Variants in SON observed in about 807,000 individuals in gnomAD.
The protein encoded by SON is SON DNA and RNA binding protein.
A neutral mutation model predicts 173.3 loss-of-function variants in SON; 4 were observed. That is an observed-to-expected ratio of 0.02 (90% CI 0.01 to 0.05). The LOEUF is 0.05. Ranked by LOEUF, SON falls within the 10% of genes least tolerant of loss-of-function variation. The pLI is 1.00. For synonymous variants in SON, 1,190 were observed against 1,105.9 expected, an observed-to-expected ratio of 1.08 and a Z score of -1.51; for missense variants, 2,626 against 3,055.3, an observed-to-expected ratio of 0.86 and a Z score of 3.31.
At chr21:33,575,253 C>G (rs763539294) in intron 9 of SON, among the ~76,000 whole-genome samples, 1 of 152,044 alleles carries the variant, frequency 6.6e-6, no homozygotes, top group Non-Finnish European at 1.5e-5. Flanking sequence ...CCAGGCTGGT[C>G]TCAGACTCTT....
rs2086422142 is a variant in SON at position 33,577,257 on chromosome 21, A to G, written c.*833A>G. On this transcript the variant is annotated 3_prime_UTR_variant, in exon 12 of 12. Transcript: ENST00000356577. ...TTGATGTGCATTTTGAATTTCAGCT[A>G]CACCTAGATAGACGTAAAATGATAA... 6.6e-6 allele frequency: 1 copy of G among 152,526 alleles called. No homozygotes were observed. Among genetic ancestry groups the G allele is most frequent in the Non-Finnish European group, 1.5e-5 (1 of 68,048 alleles). The allele number at this position is 152,526 out of a possible 1,614,324, so 9.4% of individuals were successfully genotyped here.
At chr21:33,565,407 A>C (rs1464129493) in intron 6 of SON, among the ~76,000 whole-genome samples, 1 of 152,216 alleles carries the variant, frequency 6.6e-6, no homozygotes, top group Non-Finnish European at 1.5e-5. Flanking sequence ...AGTAAGTGTG[A>C]GAAGGTTAAT....
At position 33,555,319 on chromosome 21, in the gene SON, A is replaced by G; in HGVS notation, c.6088A>G (p.Arg2030Gly). ...AACACCCTTAAGAAGAAGGTTTAGCAGATCTCCCATCCGTCGTAAAAGATC... is the reference window on the plus strand; with the variant it reads ...AACACCCTTAAGAAGAAGGTTTAGCGGATCTCCCATCCGTCGTAAAAGATC... ...SRTPLRRRFS[R>G]SPIRRKRSRS... The change falls in exon 3 of 12, where the codon AGA (arginine) becomes GGA (glycine). Residue 2030 changes from arginine (R) to glycine (G), a missense_variant. Physicochemically the swap from Arg to Gly is moderately radical, Grantham distance 125 (BLOSUM62 -2). Around this residue, in one of 13 missense-constraint regions of SON, gnomAD observed 138 missense variants for 222.9 expected, o/e 0.62. Transcript: ENST00000356577. The G allele has an allele frequency of 1.2e-6, 2 of 1,607,320 alleles. No individual in the cohort carries two copies. Among genetic ancestry groups the G allele is most frequent in the Non-Finnish European group, 1.7e-6 (2 of 1,177,002 alleles).
intron 11 of SON, 39 bp downstream of exon 11, chr21:33,575,932 A>G (rs780667443): frequency 9.9e-7 from 1 of 1,009,654 alleles, no homozygotes; most frequent in South Asian, 1.5e-5. Flanking sequence ...TATATTTATT[A>G]ATGTGATGAC....
intron 8 of SON, among the ~76,000 whole-genome samples, chr21:33,571,340 G>A (rs903787205): frequency 6.6e-6 from 1 of 152,154 alleles, no homozygotes; most frequent in Non-Finnish European, 1.5e-5. Flanking sequence ...CTCATTAAAT[G>A]TTTAGTTGTG....
At position 33,550,154 on chromosome 21, in the gene SON, TATC is replaced by T. The variant is rs771306589; in HGVS notation, c.928_930del (p.Ser310del). The T allele has an allele frequency of 1.9e-6, 3 of 1,614,074 alleles. No individual in the cohort carries two copies. The highest frequency in any genetic ancestry group is 2.5e-6 in the Non-Finnish European group (3 of 1,180,042). ...TTAGAGCCTTCAGAAACCCTTGTGG[TATC>T]ATCAGAGACACCTACTGAGGTGTAC... On this transcript the variant is annotated inframe_deletion, in exon 3 of 12. Transcript: ENST00000356577.
In SON at chr21:33,549,856, A is replaced by G. The variant is rs758247743; in HGVS notation, c.625A>G (p.Thr209Ala). Residue 209 changes from threonine (T) to alanine (A), a missense_variant, in exon 3 of 12, where the codon ACA becomes GCA. By Grantham distance (58) the Thr-to-Ala change is moderately conservative. Transcript: ENST00000356577. The stretch of plus-strand genomic sequence containing the variant: ...CATCTTAGAAACTCTGAAGCCAGCT[A>G]CAAAAACTGCAGAACTGTCAGTTGT... The part of the protein sequence containing the change: ...PHILETLKPA[T>A]KTAELSVVST... The G allele has an allele frequency of 8.7e-6, 14 of 1,614,142 alleles. 1 individual carries two copies. In the Admixed American group the frequency reaches 2.3e-4, roughly 27 times the overall value.
Position 33,553,669 on chromosome 21 carries a change from T to A in SON, c.4438T>A (p.Ser1480Thr), listed in dbSNP as rs1345707217. 6.2e-7 allele frequency: 1 copy of A among 1,614,002 alleles called. No individual in the cohort carries two copies. Among genetic ancestry groups the A allele is most frequent in the East Asian group, 2.2e-5 (1 of 44,886 alleles). Residue 1480 changes from serine to threonine, a missense_variant, in exon 3 of 12, where the codon TCA becomes ACA. Transcript: ENST00000356577. Reference sequence around the variant, plus strand: ...AATGATACTGGAATCTAGTATCATGTCATCACATGTTATGAAAGGAATTAA... The same window carrying A: ...AATGATACTGGAATCTAGTATCATGACATCACATGTTATGAAAGGAATTAA... ...TPMILESSIM[S>T]SHVMKGINLS...
At chr21:33,549,002 G>C (rs926114119) in intron 2 of SON, among the ~76,000 whole-genome samples, 4 of 151,962 alleles carry the variant, frequency 2.6e-5, no homozygotes, top group African/African-American at 9.7e-5. Flanking sequence ...CAGAAAAGTA[G>C]TAGTCTCCAG....
At chr21:33,546,578 C>T (rs1022146112) in intron 2 of SON, 199 bp downstream of exon 2, 62 of 371,434 alleles carry the variant, frequency 1.7e-4, no homozygotes, top group African/African-American at 1.2e-3. Context: ...TCAGGAGTTC[C>T]AGACCAACCT....
In SON at chr21:33,552,099, C is replaced by T. The variant is rs1251772128; in HGVS notation, c.2868C>T (p.Tyr956=). 3 of 1,614,060 alleles carry T rather than the reference C, an allele frequency of 1.9e-6. No individual in the cohort carries two copies. The highest frequency in any genetic ancestry group is 2.2e-5 in the South Asian group (2 of 91,078). ...QDPYRLGHDP[Y]RLTPDPYRMS... ...CTTATAGATTAGGCCATGATCCCTA[C>T]AGACTAACTCCTGATCCCTATAGGA... The change falls in exon 3 of 12, where the codon TAC becomes TAT. Residue 956 remains tyrosine, a synonymous_variant. Transcript: ENST00000356577. This position sits in a 1 kb window ranked among gnomAD's most constrained non-coding sequence, Gnocchi z 5.6.
chr21:33,571,146 T>C lies in SON; in HGVS notation c.6885+2059T>C, dbSNP rs544909974. Among the ~76,000 whole-genome samples the C allele has an allele frequency of 2.7e-4, 41 of 152,330 alleles. No individual in the cohort carries two copies. In the South Asian group the frequency reaches 7.5e-3, roughly 28 times the overall value. ...TATGTTCAGACCAAATTTTAAATTA[T>C]AGATAAAAGTAGCACTTAAAGGAAA... On this transcript the variant is annotated intron_variant, in intron 8 of 11. Coordinates refer to ENST00000356577, the MANE Select transcript of SON (RefSeq NM_138927.4).
At chr21:33,564,116 A>C (rs1404414158) in intron 6 of SON, among the ~76,000 whole-genome samples, 1 of 152,224 alleles carries the variant, frequency 6.6e-6, no homozygotes, top group Non-Finnish European at 1.5e-5. Flanking sequence ...TACAGATTAA[A>C]GATTCTCTTT....
chr21:33,546,436 T>G (rs889394329), intron 2 of SON, 57 bp downstream of exon 2: 1 of 1,419,216 alleles, frequency 7.0e-7, no homozygotes, highest in South Asian at 1.3e-5. Flanking sequence ...TTTTTGAAAT[T>G]TGAAGGTTAA....
At chr21:33,547,645 T>C in intron 2 of SON, among the ~76,000 whole-genome samples, 1 of 147,548 alleles carries the variant, frequency 6.8e-6, no homozygotes, top group Non-Finnish European at 1.5e-5. Context: ...AAACAATTAA[T>C]AGAAAATGGT....
At chr21:33,575,918 T>C (rs777356906) in intron 11 of SON, 25 bp downstream of exon 11, 1 of 1,092,170 alleles carries the variant, frequency 9.2e-7, no homozygotes, top group South Asian at 1.4e-5. Flanking sequence ...CTGCATTAAT[T>C]ATATATATTT....
At chr21:33,572,779 T>C in intron 8 of SON, 1 of 355,410 alleles carries the variant, frequency 2.8e-6, no homozygotes, top group South Asian at 2.4e-5. Context: ...TTTTTTTTTT[T>C]TTTTCTGCTT....
At chr21:33,556,074 A>G (rs1016597670) in intron 3 of SON, among the ~76,000 whole-genome samples, 1 of 152,244 alleles carries the variant, frequency 6.6e-6, no homozygotes, top group Admixed American at 6.5e-5. Flanking sequence ...CCTATAATAA[A>G]TATGGATAAT....
chr21:33,547,966 A>G (rs1445969005), intron 2 of SON, among the ~76,000 whole-genome samples: 1 of 151,186 alleles, frequency 6.6e-6, no homozygotes, highest in Non-Finnish European at 1.5e-5. Context: ...CTCGTGATCC[A>G]CACGTCTTGG....
Sources: gnomAD v4.1 joint callset for allele counts (sites outside exome capture counted in the v4.1 genomes callset) on GRCh38, gnomAD v4.1.1 for gene constraint, gnomAD v4.1.1 regional missense constraint, Gnocchi (gnomAD v3.1) non-coding constraint, MANE v1.5 for transcripts, NCBI Gene and HGNC (gene_info 2026-07-23, HGNC 2026-07-21) for gene names.